Variants in TMCC1 observed in about 807,000 individuals in gnomAD.
TMCC1 encodes transmembrane and coiled-coil domains protein 1.
Under a neutral mutation model 52.4 loss-of-function variants are expected in TMCC1, and 15 were observed. The ratio of observed to expected loss-of-function variants is 0.29; its 90% CI spans 0.19 to 0.44. The LOEUF (loss-of-function observed/expected upper bound fraction) is 0.44. Ranked by LOEUF, TMCC1 falls within the 20% of genes least tolerant of loss-of-function variation. The pLI is 1.00. For synonymous variants in TMCC1, 279 were observed against 301.9 expected (o/e 0.92, Z 0.79); for missense variants, 503 against 806.0 (o/e 0.62, Z 4.55).
chr3:129,877,080 G>A lies in TMCC1; in HGVS notation c.-184+3229C>T, dbSNP rs548812263. Among the ~76,000 whole-genome samples, 4 of 152,216 alleles carry A rather than the reference G, an allele frequency of 2.6e-5. No individual in the cohort carries two copies. The East Asian group carries it at 7.7e-4, about 29-fold the overall frequency. On this transcript the variant is annotated intron_variant, in intron 2 of 6. Transcript: ENST00000393238. ...ACTTACATATCTTAAATCTTCTCCT[G>A]CCAAGAACATCTACCCAGAGTTACA...
At chr3:129,730,252 TCA>T (rs1399062685) in intron 4 of TMCC1, among the ~76,000 whole-genome samples, 5 of 152,284 alleles carry the variant, frequency 3.3e-5, no homozygotes, top group Non-Finnish European at 7.4e-5. Context: ...ATAGCATCTT[TCA>T]CAGATTAAAA....
intron 4 of TMCC1, among the ~76,000 whole-genome samples, chr3:129,768,849 A>C (rs1346994634): frequency 3.3e-5 from 5 of 152,228 alleles, no homozygotes; most frequent in Non-Finnish European, 7.3e-5. Flanking sequence ...GAAAACAGAC[A>C]AAAAGAGCTG....
intron 4 of TMCC1, among the ~76,000 whole-genome samples, chr3:129,728,815 A>G (rs1029282655): frequency 1.3e-5 from 2 of 152,244 alleles, no homozygotes; most frequent in Non-Finnish European, 2.9e-5. Flanking sequence ...TCACATAAAC[A>G]GAATCATACA....
At chr3:129,812,019 A>C (rs1576944914) in intron 4 of TMCC1, among the ~76,000 whole-genome samples, 1 of 151,238 alleles carries the variant, frequency 6.6e-6, no homozygotes. Context: ...TAGATTCATT[A>C]GTACAGAAGG....
At chr3:129,763,637 G>A (rs1229229228) in intron 4 of TMCC1, among the ~76,000 whole-genome samples, 2 of 145,262 alleles carry the variant, frequency 1.4e-5, no homozygotes, top group African/African-American at 5.1e-5. Context: ...CTTAATAAAA[G>A]CCAGATACTG....
At chr3:129,783,799 C>T (rs2055740870) in intron 4 of TMCC1, among the ~76,000 whole-genome samples, 1 of 152,162 alleles carries the variant, frequency 6.6e-6, no homozygotes, top group Admixed American at 6.5e-5. Context: ...AATAGAAGAA[C>T]TCCTCTACCT....
rs375602453 is a variant in TMCC1, at chr3:129,817,780, T to A, written c.576+10023A>T. Among the ~76,000 whole-genome samples, 7 of 152,198 alleles carry A rather than the reference T, an allele frequency of 4.6e-5. No homozygotes were observed. In the East Asian group the frequency reaches 1.4e-3, roughly 29 times the overall value. Reference sequence around the variant, plus strand: ...CTCATGCCTCATCCTCCCAAGGAGCTGGAATTACAGGTGTGCACCACCACA... The same window carrying A: ...CTCATGCCTCATCCTCCCAAGGAGCAGGAATTACAGGTGTGCACCACCACA... On this transcript the variant is annotated intron_variant, in intron 4 of 6. Coordinates refer to ENST00000393238, the MANE Select transcript of TMCC1 (RefSeq NM_001017395.5).
At chr3:129,711,070 G>A (rs959066466) in intron 4 of TMCC1, among the ~76,000 whole-genome samples, 1 of 152,038 alleles carries the variant, frequency 6.6e-6, no homozygotes, top group Non-Finnish European at 1.5e-5. Context: ...TACCATGTTG[G>A]CCAGGCTGGT....
intron 4 of TMCC1, among the ~76,000 whole-genome samples, chr3:129,708,544 C>A (rs1020630900): frequency 6.6e-6 from 1 of 152,178 alleles, no homozygotes; most frequent in African/African-American, 2.4e-5. Flanking sequence ...ATGTGATGAC[C>A]TCTGCTTTTC....
chr3:129,658,283 T>G (rs993467191), intron 5 of TMCC1, among the ~76,000 whole-genome samples: 1 of 152,214 alleles, frequency 6.6e-6, no homozygotes, highest in Non-Finnish European at 1.5e-5. Context: ...TCCCACAACA[T>G]GGACTTCCTT....
At chr3:129,752,063 G>C (rs2052577369) in intron 4 of TMCC1, among the ~76,000 whole-genome samples, 1 of 152,132 alleles carries the variant, frequency 6.6e-6, no homozygotes, top group East Asian at 1.9e-4. Flanking sequence ...TTAGATAGAA[G>C]TGAATGCTTA....
chr3:129,729,078 T>C (rs181161275), intron 4 of TMCC1, among the ~76,000 whole-genome samples: 36 of 152,258 alleles, frequency 2.4e-4, no homozygotes, highest in African/African-American at 8.2e-4. Context: ...CTAGGTTAAA[T>C]ACCTAGGCAT....
chr3:129,684,799 G>C (rs903124714), intron 4 of TMCC1, among the ~76,000 whole-genome samples: 1 of 152,230 alleles, frequency 6.6e-6, no homozygotes, highest in Non-Finnish European at 1.5e-5. Flanking sequence ...GGATAGCTTA[G>C]AGAAAATTAG....
chr3:129,893,473 G>T (rs1432395476), intron 1 of TMCC1, 21 bp downstream of exon 1: 1 of 152,064 alleles, frequency 6.6e-6, no homozygotes, highest in East Asian at 1.9e-4. Flanking sequence ...GCCAGCGTCC[G>T]GGGCGGGGGC....
At chr3:129,727,474 C>A (rs1230258814) in intron 4 of TMCC1, among the ~76,000 whole-genome samples, 1 of 152,106 alleles carries the variant, frequency 6.6e-6, no homozygotes, top group African/African-American at 2.4e-5. Flanking sequence ...AATTTTAAAT[C>A]TTTATAAAGA....
chr3:129,807,330 A>G (rs2057525348), intron 4 of TMCC1, among the ~76,000 whole-genome samples: 1 of 152,200 alleles, frequency 6.6e-6, no homozygotes, highest in Non-Finnish European at 1.5e-5. Context: ...TTTATTTTAT[A>G]TGAATAAAAT....
chr3:129,843,985 A>C (rs531706208), intron 2 of TMCC1, among the ~76,000 whole-genome samples: 1 of 152,228 alleles, frequency 6.6e-6, no homozygotes, highest in East Asian at 1.9e-4. Context: ...CTTTAACAAA[A>C]TATTAGCAAA....
chr3:129,742,279 T>G (rs1009465134), intron 4 of TMCC1, among the ~76,000 whole-genome samples: 1 of 151,968 alleles, frequency 6.6e-6, no homozygotes, highest in African/African-American at 2.4e-5. Flanking sequence ...ATTAACAAAG[T>G]GAAAAGATAA....
rs1326556876 is a variant in TMCC1 at position 129,746,306 on chromosome 3, G to A, written c.577-75042C>T. 2.6e-5 allele frequency among the ~76,000 whole-genome samples: 4 copies of A among 151,674 alleles called. No homozygotes were observed. The East Asian group carries it at 7.8e-4, about 29-fold the overall frequency. ...CTGCCTCAGCCTCCTGAGTAGTTGGGACTACAGGCGTGCGCCACCACGCCC... is the reference window on the plus strand; with the variant it reads ...CTGCCTCAGCCTCCTGAGTAGTTGGAACTACAGGCGTGCGCCACCACGCCC... On this transcript the variant is annotated intron_variant, in intron 4 of 6. Coordinates refer to ENST00000393238, the MANE Select transcript of TMCC1 (RefSeq NM_001017395.5).
Sources: allele counts gnomAD v4.1 joint callset (sites outside exome capture counted in the v4.1 genomes callset), GRCh38; gene constraint gnomAD v4.1.1; transcripts MANE v1.5; gene names NCBI Gene and HGNC (gene_info 2026-07-23, HGNC 2026-07-21).